S100A7A: variants seen among roughly 807,000 people sequenced by gnomAD.
The protein encoded by S100A7A is S100 calcium binding protein A7A.
A neutral mutation model predicts 4.0 loss-of-function variants in S100A7A; 5 were observed. That is an observed-to-expected ratio of 1.26 (90% CI 0.66 to 2.66). The LOEUF (loss-of-function observed/expected upper bound fraction) is 2.66, where lower values mean the gene tolerates loss of function less well. Among genes scored for constraint, S100A7A ranks in the 30% most tolerant of loss-of-function variants. The probability of loss-of-function intolerance (pLI) is 0.01; values close to 1 mark genes in which losing one functional copy is unlikely to be tolerated. For synonymous variants in S100A7A, 52 were observed against 46.4 expected, an observed-to-expected ratio of 1.12 and a Z score of -0.49; for missense variants, 159 against 125.1, an observed-to-expected ratio of 1.27 and a Z score of -1.29.
rs1337465675 is a variant in S100A7A, at chr1:153,423,006, T to C, written c.*3697T>C. 6.6e-6 allele frequency: 1 copy of C among 152,290 alleles called. No individual in the cohort carries two copies. The highest frequency in any genetic ancestry group is 1.9e-4 in the East Asian group (1 of 5,188). The allele number at this position is 152,290 out of a possible 1,614,324, so 9.4% of individuals were successfully genotyped here. ...GGAAATGGGTTGATTCATCACAGAT[T>C]TTATATATATACTTTTTTTTAACTA... On this transcript the variant is annotated 3_prime_UTR_variant, in exon 3 of 3. Transcript: ENST00000368729.
chr1:153,416,757 G>C (rs1237835562), intron 1 of S100A7A, among the ~76,000 whole-genome samples, 194 bp downstream of exon 1: 1 of 152,224 alleles, frequency 6.6e-6, no homozygotes, highest in African/African-American at 2.4e-5. Context: ...GGCTGAACCA[G>C]ACCTGTCCAT....
In S100A7A at chr1:153,420,805, T is replaced by A. The variant is rs923096166; in HGVS notation, c.*1496T>A. 6.6e-6 allele frequency: 1 copy of A among 152,328 alleles called. No individual in the cohort carries two copies. The highest frequency in any genetic ancestry group is 2.4e-5 in the African/African-American group (1 of 41,426). 9.4% of individuals were successfully genotyped at this position (152,328 alleles called of 1,614,324 possible). A position where few individuals can be genotyped will look rare whatever the true frequency, so the allele number is the denominator to read the frequency against. On this transcript the variant is annotated 3_prime_UTR_variant, in exon 3 of 3. Coordinates refer to ENST00000368729, the MANE Select transcript of S100A7A (RefSeq NM_176823.4). ...CAGTCCCTGGGCTTTCATTTTCTCC[T>A]CCCAGCCCCCTGCTGCCTTCTCTAT...
intron 2 of S100A7A, 65 bp downstream of exon 2, chr1:153,418,288 A>C: frequency 1.2e-6 from 2 of 1,604,458 alleles, no homozygotes; most frequent in Admixed American, 1.7e-5. Flanking sequence ...ACATTTTGCT[A>C]TGTGGCCTTG....
rs1662855823 is a variant in S100A7A, at chr1:153,420,030, G to T, written c.*721G>T. ...GCTCAATGCCAGGACTGGGTTTCTG[G>T]TGATGAATGAATATTCCAGATTTTG... On this transcript the variant is annotated 3_prime_UTR_variant, in exon 3 of 3. Coordinates refer to ENST00000368729, the MANE Select transcript of S100A7A (RefSeq NM_176823.4). 1 of 152,368 alleles carries T rather than the reference G, an allele frequency of 6.6e-6. No individual in the cohort carries two copies. Among genetic ancestry groups the T allele is most frequent in the South Asian group, 2.1e-4 (1 of 4,832 alleles). The allele number at this position is 152,368 out of a possible 1,614,324, so 9.4% of individuals were successfully genotyped here.
In S100A7A at chr1:153,418,116, G is replaced by C. The variant is rs377765304; in HGVS notation, c.34G>C (p.Gly12Arg). The C allele has an allele frequency of 6.2e-7, 1 of 1,614,126 alleles. No individual in the cohort carries two copies. The highest frequency in any genetic ancestry group is 1.3e-5 in the African/African-American group (1 of 75,022). The change falls in exon 2 of 3, where the codon GGC becomes CGC. Residue 12 changes from glycine to arginine, a missense_variant. Gly to Arg is a moderately radical substitution (Grantham distance 125). Transcript: ENST00000368729. ...SNTQAERSII[G>R]MIDMFHKYTG... ...CACTCAAGCTGAGAGGTCCATAATA[G>C]GCATGATCGACATGTTTCACAAATA...
At position 153,423,074 on chromosome 1, in the gene S100A7A, C is replaced by T. The variant is rs1220379938; in HGVS notation, c.*3765C>T. ...TATTGTTTTTGTAACTTGCATTTTA[C>T]AAGAGTTCTGACCAGCACCAGATAA... is the stretch of plus-strand genomic sequence containing the variant. On this transcript the variant is annotated 3_prime_UTR_variant, in exon 3 of 3. Coordinates refer to ENST00000368729, the MANE Select transcript of S100A7A (RefSeq NM_176823.4). 4.6e-5 allele frequency: 7 copies of T among 152,090 alleles called. No individual in the cohort carries two copies. The highest frequency in any genetic ancestry group is 1.9e-4 in the East Asian group (1 of 5,194). The allele number at this position is 152,090 out of a possible 1,614,324, so 9.4% of individuals were successfully genotyped here. A position where few individuals can be genotyped will look rare whatever the true frequency, so the allele number is the denominator to read the frequency against.
chr1:153,419,124 T>C (rs753215653), intron 2 of S100A7A, 21 bp from the exon 3 acceptor site: 2 of 1,609,788 alleles, frequency 1.2e-6, no homozygotes, highest in South Asian at 2.2e-5. Context: ...TTTTCTATTT[T>C]GTATGTTTTT....
rs3014816 is a variant in S100A7A at position 153,420,572 on chromosome 1, C to T, written c.*1263C>T. The stretch of plus-strand genomic sequence containing the variant: ...TGTTCTTTGGAATGACTGCTCCACT[C>T]CACACTCACACCTCTATTCACAGAC... On this transcript the variant is annotated 3_prime_UTR_variant, in exon 3 of 3. Transcript: ENST00000368729. 24,712 of 152,236 alleles carry T rather than the reference C, an allele frequency of 0.16. 2,900 individuals carry two copies. The highest frequency in any genetic ancestry group is 0.34 in the African/African-American group (13,924 of 41,430). The allele number at this position is 152,236 out of a possible 1,614,324, so 9.4% of individuals were successfully genotyped here.
At chr1:153,417,000 C>T (rs192157916) in intron 1 of S100A7A, among the ~76,000 whole-genome samples, 3 of 152,132 alleles carry the variant, frequency 2.0e-5, no homozygotes, top group South Asian at 4.1e-4. Flanking sequence ...CCTGTAAATT[C>T]TCAGTCAATC....
intron 1 of S100A7A, chr1:153,417,864 C>T (rs1662767628): frequency 3.5e-6 from 2 of 579,518 alleles, no homozygotes; most frequent in Non-Finnish European, 5.9e-6. Flanking sequence ...CTTCTTGGCC[C>T]TGGCCAGGAT....
intron 2 of S100A7A, among the ~76,000 whole-genome samples, chr1:153,418,759 T>C (rs771655788): frequency 8.6e-5 from 13 of 151,026 alleles, no homozygotes; most frequent in East Asian, 3.9e-4. Flanking sequence ...GGAGAGGAGG[T>C]CAGAGAAAGA....
Position 153,419,290 on chromosome 1 carries a change from G to A in S100A7A, c.287G>A (p.Cys96Tyr). 6.2e-7 allele frequency: 1 copy of A among 1,614,152 alleles called. No homozygotes were observed. The highest frequency in any genetic ancestry group is 8.5e-7 in the Non-Finnish European group (1 of 1,180,018). Residue 96 changes from cysteine to tyrosine, a missense_variant, in exon 3 of 3, where the codon TGT (cysteine) becomes TAT (tyrosine). By Grantham distance (194) the Cys-to-Tyr change is radical. Coordinates refer to ENST00000368729, the MANE Select transcript of S100A7A (RefSeq NM_176823.4). ...YHKQSHGAAP[C>Y]SGGSQ ...AAGCAGAGCCATGGAGCGGCGCCCTGTTCTGGGGGAAGCCAGTGATCCAGC... is the reference window on the plus strand; with the variant it reads ...AAGCAGAGCCATGGAGCGGCGCCCTATTCTGGGGGAAGCCAGTGATCCAGC...
intron 1 of S100A7A, among the ~76,000 whole-genome samples, chr1:153,417,655 GC>G (rs1163712361): frequency 2.0e-5 from 3 of 152,220 alleles, no homozygotes; most frequent in Admixed American, 6.5e-5. Context: ...CCATTGTCCT[GC>G]CCCCGTGACT....
rs182270345 is a variant in S100A7A, at chr1:153,422,675, G to A, written c.*3366G>A. On this transcript the variant is annotated 3_prime_UTR_variant, in exon 3 of 3. Transcript: ENST00000368729. ...TCCGTGGTGCTGAATTCACTGTGAC[G>A]TCACTCCTGTCTCTCTTTGCTTTCT... 2.2e-4 allele frequency: 39 copies of A among 175,784 alleles called. No individual in the cohort carries two copies. Among genetic ancestry groups the A allele is most frequent in the Non-Finnish European group, 3.5e-4 (31 of 89,818 alleles). 10.9% of individuals were successfully genotyped at this position (175,784 alleles called of 1,614,324 possible). A position where few individuals can be genotyped will look rare whatever the true frequency, so the allele number is the denominator to read the frequency against.
rs201874755 is a variant in S100A7A at position 153,419,285 on chromosome 1, G to A, written c.282G>A (p.Ala94=). The part of the protein sequence containing the change: ...ADYHKQSHGA[A]PCSGGSQ ...ACCACAAGCAGAGCCATGGAGCGGCGCCCTGTTCTGGGGGAAGCCAGTGAT... is the reference window on the plus strand; with the variant it reads ...ACCACAAGCAGAGCCATGGAGCGGCACCCTGTTCTGGGGGAAGCCAGTGAT... The change falls in exon 3 of 3, where the codon GCG becomes GCA. Residue 94 remains alanine (A), a synonymous_variant. Transcript: ENST00000368729. The A allele has an allele frequency of 1.0e-4, 169 of 1,614,124 alleles. 2 individuals carry two copies. The Middle Eastern group carries it at 1.3e-3, about 13-fold the overall frequency.
chr1:153,416,535 C>G lies in S100A7A; in HGVS notation c.-46C>G, dbSNP rs1486188142. The stretch of plus-strand genomic sequence containing the variant: ...GTCCAAACACACACATCTCACTCAT[C>G]CTTCTACTCGTGACACTTCCCAGTT... On this transcript the variant is annotated 5_prime_UTR_variant, in exon 1 of 3. It adds an upstream start codon to the 5' untranslated region. Coordinates refer to ENST00000368729, the MANE Select transcript of S100A7A (RefSeq NM_176823.4). The G allele has an allele frequency of 4.1e-6, 2 of 493,116 alleles. No homozygotes were observed. The highest frequency in any genetic ancestry group is 4.0e-6 in the Non-Finnish European group (1 of 247,956). 30.5% of individuals were successfully genotyped at this position (493,116 alleles called of 1,614,324 possible).
chr1:153,422,340 G>C lies in S100A7A; in HGVS notation c.*3031G>C, dbSNP rs542387102. ...ATGTGTCATTCTGCATTGGAAGGAG[G>C]ACATTTTAGAGCAAGGCCTAAGGGC... On this transcript the variant is annotated 3_prime_UTR_variant, in exon 3 of 3. Coordinates refer to ENST00000368729, the MANE Select transcript of S100A7A (RefSeq NM_176823.4). 2.0e-4 allele frequency: 35 copies of C among 176,154 alleles called. 1 individual carries two copies. In the South Asian group the frequency reaches 5.6e-3, roughly 28 times the overall value. The allele number at this position is 176,154 out of a possible 1,614,324, so 10.9% of individuals were successfully genotyped here.
At position 153,419,300 on chromosome 1, in the gene S100A7A, A is replaced by C. The variant is rs376851056; in HGVS notation, c.297A>C (p.Gly99=). Residue 99 remains glycine, a synonymous_variant, in exon 3 of 3, where the codon GGA becomes GGC. Transcript: ENST00000368729. ...QSHGAAPCSG[G]SQ is the part of the protein sequence containing the mutation. ...ATGGAGCGGCGCCCTGTTCTGGGGG[A>C]AGCCAGTGATCCAGCCCCACCAAGG... The C allele has an allele frequency of 2.4e-5, 38 of 1,613,686 alleles. No homozygotes were observed. The highest frequency in any genetic ancestry group is 1.2e-4 in the Admixed American group (7 of 59,980).
rs1662907979 is a variant in S100A7A, at chr1:153,421,993, C to A, written c.*2684C>A. 1 of 152,256 alleles carries A rather than the reference C, an allele frequency of 6.6e-6. No individual in the cohort carries two copies. The highest frequency in any genetic ancestry group is 2.1e-4 in the South Asian group (1 of 4,832). The allele number at this position is 152,256 out of a possible 1,614,324, so 9.4% of individuals were successfully genotyped here. A position where few individuals can be genotyped will look rare whatever the true frequency, so the allele number is the denominator to read the frequency against. On this transcript the variant is annotated 3_prime_UTR_variant, in exon 3 of 3. Transcript: ENST00000368729. ...GCTTATGTCAATGCAGGACTCATCA[C>A]ATCTATTCGGATATTCTGTTTACAC...
Sources: gnomAD v4.1 joint callset for allele counts (sites outside exome capture counted in the v4.1 genomes callset) on GRCh38, gnomAD v4.1.1 for gene constraint, MANE v1.5 for transcripts, NCBI Gene and HGNC (gene_info 2026-07-23, HGNC 2026-07-21) for gene names.